Variants in TDP1 observed in about 807,000 individuals in gnomAD.
TDP1 encodes the protein tyrosyl-DNA phosphodiesterase 1.
Under a neutral mutation model 81.5 loss-of-function variants are expected in TDP1, and 64 were observed. The ratio of observed to expected loss-of-function variants is 0.79; its 90% CI spans 0.64 to 0.97. The LOEUF is 0.97. Among genes scored for constraint, TDP1 ranks in the 50% least tolerant of loss-of-function variants. The pLI is 0.00. For missense variants in TDP1, 723 were observed against 743.8 expected (o/e 0.97, Z 0.33); for synonymous variants, 256 against 264.3 (o/e 0.97, Z 0.30).
intron 14 of TDP1, among the ~76,000 whole-genome samples, chr14:90,018,383 C>T (rs930499716): frequency 6.6e-6 from 1 of 152,182 alleles, no homozygotes; most frequent in Admixed American, 6.5e-5. Flanking sequence ...TAGTGGTCTC[C>T]ATTCCTGAGC....
At chr14:89,957,671 A>G (rs1476473803) in intron 2 of TDP1, among the ~76,000 whole-genome samples, 1 of 152,200 alleles carries the variant, frequency 6.6e-6, no homozygotes, top group Non-Finnish European at 1.5e-5. Context: ...ACCCTTTTAT[A>G]TCCACAACAT....
intron 4 of TDP1, chr14:89,966,987 C>T (rs1893018459): frequency 1.0e-6 from 1 of 984,960 alleles, no homozygotes; most frequent in Admixed American, 6.1e-5. Flanking sequence ...ATCTTTGTCT[C>T]CAGTATCTGT....
intron 14 of TDP1, among the ~76,000 whole-genome samples, chr14:90,016,326 A>G (rs1317210674): frequency 6.6e-6 from 1 of 152,102 alleles, no homozygotes; most frequent in Non-Finnish European, 1.5e-5. Context: ...TACAGGTGTG[A>G]GCCACTGTGC....
chr14:89,971,952 G>GA (rs1303944863), intron 6 of TDP1, among the ~76,000 whole-genome samples: 1 of 152,062 alleles, frequency 6.6e-6, no homozygotes, highest in Non-Finnish European at 1.5e-5. Flanking sequence ...CTAAACAGGA[G>GA]AGACCCATAG....
intron 14 of TDP1, among the ~76,000 whole-genome samples, chr14:90,002,100 T>A (rs1897239127): frequency 6.6e-6 from 1 of 152,132 alleles, no homozygotes; most frequent in Admixed American, 6.5e-5. Flanking sequence ...AAATAAATGG[T>A]ATATAAAGAA....
intron 14 of TDP1, among the ~76,000 whole-genome samples, chr14:90,002,162 C>A (rs1440852521): frequency 1.3e-5 from 2 of 152,182 alleles, no homozygotes; most frequent in South Asian, 4.1e-4. Context: ...CATCCAGAAA[C>A]CACTACTACT....
chr14:90,043,327 G>T lies in TDP1; in HGVS notation c.*184G>T. On this transcript the variant is annotated 3_prime_UTR_variant, in exon 17 of 17. Transcript: ENST00000335725. ...AATGGACATTAACATTCCTAATAAA[G>T]TATTAGTTTCTTAATTCACTTTTAT... 1.5e-6 allele frequency: 1 copy of T among 687,870 alleles called. No individual in the cohort carries two copies. Among genetic ancestry groups the T allele is most frequent in the Non-Finnish European group, 2.5e-6 (1 of 405,494 alleles). The allele number at this position is 687,870 out of a possible 1,614,324, so 42.6% of individuals were successfully genotyped here.
intron 15 of TDP1, among the ~76,000 whole-genome samples, chr14:90,023,990 C>T (rs991266544): frequency 2.0e-5 from 3 of 152,170 alleles, no homozygotes; most frequent in African/African-American, 7.2e-5. Flanking sequence ...TCTGAACACC[C>T]CCGCAACATC....
chr14:90,000,194 G>A (rs1189269510), intron 14 of TDP1, among the ~76,000 whole-genome samples: 1 of 152,172 alleles, frequency 6.6e-6, no homozygotes, highest in Non-Finnish European at 1.5e-5. Flanking sequence ...GATGCTTCTT[G>A]GAGACCAGCA....
intron 15 of TDP1, among the ~76,000 whole-genome samples, chr14:90,027,090 T>C (rs901469460): frequency 1.3e-5 from 2 of 152,166 alleles, no homozygotes; most frequent in African/African-American, 4.8e-5. Context: ...TGTAAAAGTG[T>C]TCCTATTTCC....
chr14:90,001,088 C>T, intron 14 of TDP1, among the ~76,000 whole-genome samples: 1 of 152,096 alleles, frequency 6.6e-6, no homozygotes, highest in East Asian at 1.9e-4. Flanking sequence ...ATCTTATTGC[C>T]TGTTATGTCT....
intron 7 of TDP1, 47 bp from the exon 8 acceptor site, chr14:89,980,492 AT>A (rs34175128): frequency 6.4e-7 from 1 of 1,557,128 alleles, no homozygotes; most frequent in South Asian, 1.1e-5. Flanking sequence ...GGTATTACAT[AT>A]TTTGAAAGTA....
intron 14 of TDP1, among the ~76,000 whole-genome samples, chr14:90,006,332 C>G (rs1897682107): frequency 6.6e-6 from 1 of 152,170 alleles, no homozygotes; most frequent in African/African-American, 2.4e-5. Flanking sequence ...CCTGGAAACA[C>G]AGCTGATGTG....
chr14:90,021,019 T>G (rs985237456), intron 15 of TDP1, among the ~76,000 whole-genome samples: 5 of 151,862 alleles, frequency 3.3e-5, no homozygotes, highest in Non-Finnish European at 5.9e-5. Context: ...CTCCAACTCC[T>G]GGCCTCAAGC....
At chr14:89,995,404 T>C (rs1163091293) in intron 14 of TDP1, among the ~76,000 whole-genome samples, 1 of 152,194 alleles carries the variant, frequency 6.6e-6, no homozygotes, top group African/African-American at 2.4e-5. Context: ...CCCCTCTTAA[T>C]CAACATAGAG....
chr14:90,023,865 G>T (rs1886361708), intron 15 of TDP1, among the ~76,000 whole-genome samples: 1 of 152,168 alleles, frequency 6.6e-6, no homozygotes, highest in South Asian at 2.1e-4. Context: ...TAGAGATGCG[G>T]TCTTGCCATG....
At chr14:90,021,936 T>C (rs1886137022) in intron 15 of TDP1, among the ~76,000 whole-genome samples, 1 of 152,250 alleles carries the variant, frequency 6.6e-6, no homozygotes, top group African/African-American at 2.4e-5. Flanking sequence ...GTCATGACCC[T>C]GGTGAGGCCC....
At chr14:90,022,016 A>G (rs902945026) in intron 15 of TDP1, among the ~76,000 whole-genome samples, 6 of 152,160 alleles carry the variant, frequency 3.9e-5, no homozygotes, top group African/African-American at 1.4e-4. Context: ...GTGAATCACA[A>G]ATGACTTGGG....
chr14:89,975,311 C>T (rs8014295), intron 6 of TDP1: 23,991 of 525,776 alleles, frequency 0.046, 2,164 homozygotes, highest in African/African-American at 0.29. Context: ...CTCCTGACTT[C>T]GTGATGTGCC....
Sources: allele counts gnomAD v4.1 joint callset (sites outside exome capture counted in the v4.1 genomes callset), GRCh38; gene constraint gnomAD v4.1.1; transcripts MANE v1.5; gene names NCBI Gene and HGNC (gene_info 2026-07-23, HGNC 2026-07-21).